The following RIMS2 variants were observed in gnomAD, a reference collection of about 807,000 sequenced individuals.
RIMS2 encodes the protein regulating synaptic membrane exocytosis 2.
A neutral mutation model predicts 174.4 loss-of-function variants in RIMS2; 59 were observed. The ratio of observed to expected loss-of-function variants is 0.34; its 90% confidence interval spans 0.27 to 0.42. The LOEUF is 0.42. Among genes scored for constraint, RIMS2 ranks in the 10% least tolerant of loss-of-function variants. The pLI is 1.00. For synonymous variants in RIMS2, 606 were observed against 572.5 expected, an observed-to-expected ratio of 1.06 and a Z score of -0.84; for missense variants, 1,620 against 1,666.3, an observed-to-expected ratio of 0.97 and a Z score of 0.48.
intron 19 of RIMS2, chr8:104,093,609 C>T (rs758855840): frequency 8.8e-6 from 14 of 1,596,842 alleles, no homozygotes; most frequent in Non-Finnish European, 1.1e-5. Flanking sequence ...CATGTCTGTC[C>T]AATCAGAACG....
chr8:103,992,274 A>ATTTTTTTT (rs1186537194), intron 17 of RIMS2, among the ~76,000 whole-genome samples: 93 of 107,046 alleles, frequency 8.7e-4, no homozygotes, highest in African/African-American at 1.8e-3. Context: ...ATGTCCAGCT[A>ATTTTTTTT]TTTTTTTTTT....
At chr8:104,092,070 G>A (rs1291019693) in intron 19 of RIMS2, among the ~76,000 whole-genome samples, 6 of 151,598 alleles carry the variant, frequency 4.0e-5, no homozygotes, top group East Asian at 1.9e-4. Context: ...ATTTCTTTAC[G>A]TTTGAAGAAG....
intron 19 of RIMS2, among the ~76,000 whole-genome samples, chr8:104,086,707 C>A (rs1405050449): frequency 6.6e-6 from 1 of 152,076 alleles, no homozygotes; most frequent in Non-Finnish European, 1.5e-5. Context: ...TTACTTTAAG[C>A]TGTTCTTGCT....
intron 19 of RIMS2, among the ~76,000 whole-genome samples, chr8:104,070,133 T>C (rs959715559): frequency 6.6e-6 from 1 of 152,222 alleles, no homozygotes; most frequent in Admixed American, 6.5e-5. Context: ...TGGGTATACA[T>C]AAGTAGCAGG....
At chr8:104,011,765 T>C (rs1279024368) in intron 17 of RIMS2, among the ~76,000 whole-genome samples, 2 of 152,044 alleles carry the variant, frequency 1.3e-5, no homozygotes, top group Non-Finnish European at 2.9e-5. Flanking sequence ...TATAATAAGA[T>C]GTTTATAATT....
chr8:103,907,013 A>C (rs1312565549), intron 4 of RIMS2, among the ~76,000 whole-genome samples: 1 of 152,218 alleles, frequency 6.6e-6, no homozygotes, highest in Non-Finnish European at 1.5e-5. Context: ...TTCTTTCTAC[A>C]AATTGCATAT....
At chr8:103,757,006 TGTGTGA>T (rs769346221) in intron 2 of RIMS2, among the ~76,000 whole-genome samples, 6,052 of 128,600 alleles carry the variant, frequency 0.047, 118 homozygotes, top group African/African-American at 0.079. Context: ...TGTGTGTGTG[TGTGTGA>T]GAGAGAGAGA....
At chr8:104,219,401 C>A (rs1157061786) in intron 19 of RIMS2, among the ~76,000 whole-genome samples, 1 of 152,166 alleles carries the variant, frequency 6.6e-6, no homozygotes, top group Admixed American at 6.5e-5. Context: ...CGTAGTTAAG[C>A]AAGTCATTTA....
chr8:104,181,225 C>G (rs2098937544), intron 19 of RIMS2, among the ~76,000 whole-genome samples: 1 of 151,592 alleles, frequency 6.6e-6, no homozygotes. Flanking sequence ...TCTATTGAAG[C>G]ATATCTTGGA....
chr8:104,076,911 G>A (rs1357145343), intron 19 of RIMS2, among the ~76,000 whole-genome samples: 1 of 151,650 alleles, frequency 6.6e-6, no homozygotes, highest in Non-Finnish European at 1.5e-5. Context: ...CTGCCTCCCG[G>A]GTTCAAGTGA....
chr8:103,622,675 C>T (rs1462279726), intron 1 of RIMS2, among the ~76,000 whole-genome samples: 1 of 152,162 alleles, frequency 6.6e-6, no homozygotes, highest in African/African-American at 2.4e-5. Flanking sequence ...ACCTGTTCAA[C>T]AAGGGTGCTG....
intron 2 of RIMS2, among the ~76,000 whole-genome samples, chr8:103,750,948 A>G (rs1437542710): frequency 6.6e-6 from 1 of 152,130 alleles, no homozygotes; most frequent in African/African-American, 2.4e-5. Context: ...TAATTGAATC[A>G]TGGGGGCAGG....
intron 19 of RIMS2, among the ~76,000 whole-genome samples, chr8:104,077,490 AT>A (rs976905487): frequency 7.3e-5 from 11 of 151,386 alleles, no homozygotes; most frequent in African/African-American, 2.4e-4. Flanking sequence ...ATCTATTCAA[AT>A]TTTTTTCTAC....
At chr8:104,117,363 A>G (rs2098295166) in intron 19 of RIMS2, among the ~76,000 whole-genome samples, 1 of 152,096 alleles carries the variant, frequency 6.6e-6, no homozygotes, top group Non-Finnish European at 1.5e-5. Flanking sequence ...AATTTATATA[A>G]GAATATATAC....
intron 23 of RIMS2, among the ~76,000 whole-genome samples, chr8:104,251,379 C>T (rs1156673557): frequency 6.6e-6 from 1 of 152,148 alleles, no homozygotes; most frequent in Non-Finnish European, 1.5e-5. Context: ...CACGTAAATT[C>T]CAGTCTCTCT....
At chr8:104,053,323 A>T (rs1597823392) in intron 19 of RIMS2, among the ~76,000 whole-genome samples, 1 of 152,212 alleles carries the variant, frequency 6.6e-6, no homozygotes, top group Non-Finnish European at 1.5e-5. Flanking sequence ...GAATGAACCC[A>T]GATGCTCAAG....
At chr8:103,640,015 C>T (rs182901410) in intron 1 of RIMS2, among the ~76,000 whole-genome samples, 125 of 151,818 alleles carry the variant, frequency 8.2e-4, no homozygotes, top group African/African-American at 2.8e-3. Context: ...ATATTTATTT[C>T]GTCAGAGTTT....
In RIMS2 at chr8:104,119,376, A is replaced by G. The variant is rs561045263; in HGVS notation, c.3334+104761A>G. 9.2e-5 allele frequency among the ~76,000 whole-genome samples: 14 copies of G among 151,714 alleles called. No individual in the cohort carries two copies. In the East Asian group the frequency reaches 2.7e-3, roughly 29 times the overall value. ...CTCCATCTCAAAAACAAAAAAAACA[A>G]AAAAAACCCATAATTTATTGTACTT... On this transcript the variant is annotated intron_variant, in intron 19 of 23. Transcript: ENST00000504942.
chr8:103,716,764 A>G (rs1165669416), intron 2 of RIMS2, among the ~76,000 whole-genome samples: 4 of 152,134 alleles, frequency 2.6e-5, no homozygotes, highest in Non-Finnish European at 4.4e-5. Context: ...TCTGAAGTAT[A>G]TATTTGGCAG....
Sources: gnomAD v4.1 joint callset for allele counts (sites outside exome capture counted in the v4.1 genomes callset) on GRCh38, gnomAD v4.1.1 for gene constraint, MANE v1.5 for transcripts, NCBI Gene and HGNC (gene_info 2026-07-23, HGNC 2026-07-21) for gene names.